ABTB3: variants seen among roughly 807,000 people sequenced by gnomAD.
ABTB3 encodes the protein ankyrin repeat- and BTB/POZ domain-containing protein 3.
At chr12:107,504,112 G>T in the ABTB3 span, among the ~76,000 whole-genome samples, 1 of 152,298 alleles carries the variant, frequency 6.6e-6, no homozygotes, top group African/African-American at 2.4e-5. Context: ...TGACAAACGA[G>T]AATTTAGAGT....
the ABTB3 span, among the ~76,000 whole-genome samples, chr12:107,465,928 C>T: frequency 6.6e-6 from 1 of 152,168 alleles, no homozygotes; most frequent in South Asian, 2.1e-4. Flanking sequence ...ATCATGCATG[C>T]ATTCATTTTG....
chr12:107,618,434 C>A, the ABTB3 span: 1 of 1,471,900 alleles, frequency 6.8e-7, no homozygotes, highest in Non-Finnish European at 9.3e-7. Context: ...TTTAGGTCCA[C>A]ACACACATGA....
At chr12:107,469,952 CTTTCTTTCTTTCTT>C in the ABTB3 span, among the ~76,000 whole-genome samples, 47 of 60,760 alleles carry the variant, frequency 7.7e-4, 4 homozygotes, top group African/African-American at 3.8e-3. Flanking sequence ...CTCTTTCTTT[CTTTCTTTCTTTCTT>C]TCTTTCTTTC....
chr12:107,365,662 G>A, the ABTB3 span, among the ~76,000 whole-genome samples: 1 of 152,132 alleles, frequency 6.6e-6, no homozygotes, highest in Non-Finnish European at 1.5e-5. Context: ...CCTCCCTAAA[G>A]TGCCATTGCC....
At chr12:107,644,365 C>G in the ABTB3 span, among the ~76,000 whole-genome samples, 1 of 152,144 alleles carries the variant, frequency 6.6e-6, no homozygotes, top group South Asian at 2.1e-4. Context: ...TACATCAGAC[C>G]AATTAAATCA....
At chr12:107,409,744 C>A in the ABTB3 span, among the ~76,000 whole-genome samples, 2 of 152,154 alleles carry the variant, frequency 1.3e-5, no homozygotes, top group African/African-American at 2.4e-5. Context: ...ATAGCTGATG[C>A]ACTCAGGACT....
At chr12:107,606,244 G>A in the ABTB3 span, among the ~76,000 whole-genome samples, 14 of 152,252 alleles carry the variant, frequency 9.2e-5, no homozygotes, top group African/African-American at 2.4e-4. Context: ...CCTACATCAG[G>A]ACTTGTTGTG....
At chr12:107,631,492 A>T in the ABTB3 span, among the ~76,000 whole-genome samples, 1 of 152,092 alleles carries the variant, frequency 6.6e-6, no homozygotes, top group Non-Finnish European at 1.5e-5. Flanking sequence ...TCTGGGTCCA[A>T]TGGTAGCTCT....
the ABTB3 span, among the ~76,000 whole-genome samples, chr12:107,613,994 T>G: frequency 1.3e-5 from 2 of 152,184 alleles, no homozygotes; most frequent in African/African-American, 4.8e-5. Flanking sequence ...CTATGAATCC[T>G]TAAGCACCAT....
chr12:107,618,263 GC>G, the ABTB3 span: 1 of 1,613,456 alleles, frequency 6.2e-7, no homozygotes, highest in East Asian at 2.2e-5. Context: ...AGACAGCCCC[GC>G]CCCCCTTGTG....
the ABTB3 span, among the ~76,000 whole-genome samples, chr12:107,396,051 C>T: frequency 6.6e-6 from 1 of 152,192 alleles, no homozygotes; most frequent in Non-Finnish European, 1.5e-5. Flanking sequence ...TAGCTCCTGG[C>T]CCCCTCCTGG....
At chr12:107,339,592 C>T in the ABTB3 span, among the ~76,000 whole-genome samples, 105 of 152,174 alleles carry the variant, frequency 6.9e-4, no homozygotes, top group Admixed American at 1.9e-3. Flanking sequence ...AAGGAAGCTT[C>T]AGTGTGTTTT....
the ABTB3 span, among the ~76,000 whole-genome samples, chr12:107,366,571 C>T: frequency 1.2e-4 from 19 of 152,128 alleles, no homozygotes; most frequent in Non-Finnish European, 2.5e-4. Flanking sequence ...GGCTTGGGAG[C>T]TGCCATCTCT....
chr12:107,465,666 G>A, the ABTB3 span, among the ~76,000 whole-genome samples: 9 of 152,094 alleles, frequency 5.9e-5, no homozygotes, highest in Non-Finnish European at 1.0e-4. Context: ...CACCGTGGCT[G>A]CCCTTCATCA....
the ABTB3 span, among the ~76,000 whole-genome samples, chr12:107,586,134 C>T: frequency 1.3e-5 from 2 of 152,116 alleles, no homozygotes; most frequent in African/African-American, 4.8e-5. Context: ...CGGAGAGCTC[C>T]TCAGGACGTT....
chr12:107,497,418 C>A, the ABTB3 span, among the ~76,000 whole-genome samples: 1 of 151,578 alleles, frequency 6.6e-6, no homozygotes, highest in Admixed American at 6.6e-5. Context: ...CCACCATCAC[C>A]ATTATCAACA....
the ABTB3 span, among the ~76,000 whole-genome samples, chr12:107,461,011 A>C: frequency 6.6e-6 from 1 of 152,306 alleles, no homozygotes; most frequent in South Asian, 2.1e-4. Flanking sequence ...AAAGAGATGT[A>C]ATGGGCTCAC....
At chr12:107,457,435 C>G in the ABTB3 span, among the ~76,000 whole-genome samples, 1 of 152,308 alleles carries the variant, frequency 6.6e-6, no homozygotes, top group African/African-American at 2.4e-5. Context: ...ATGGCAATTT[C>G]GAAGACATTG....
chr12:107,610,698 T>C, the ABTB3 span, among the ~76,000 whole-genome samples: 9 of 152,314 alleles, frequency 5.9e-5, no homozygotes, highest in South Asian at 1.9e-3. Context: ...TGGTTAAAAT[T>C]AGTTCTCTGC....
Sources: allele counts gnomAD v4.1 joint callset (sites outside exome capture counted in the v4.1 genomes callset), GRCh38; gene constraint gnomAD v4.1.1; transcripts MANE v1.5; gene names NCBI Gene and HGNC (gene_info 2026-07-23, HGNC 2026-07-21).